The following CSNK1G1 variants were observed in gnomAD, a reference collection of about 807,000 sequenced individuals.
The protein encoded by CSNK1G1 is casein kinase 1 gamma 1, also known as casein kinase I isoform gamma-1.
A neutral mutation model predicts 59.6 loss-of-function variants in CSNK1G1; 22 were observed. The ratio of observed to expected loss-of-function variants is 0.37; its 90% CI spans 0.26 to 0.53. CSNK1G1 has a LOEUF of 0.53. CSNK1G1 is among the 20% of genes least tolerant of loss of function. The pLI, the probability that CSNK1G1 is intolerant of heterozygous loss-of-function variation, is 0.89. For synonymous variants in CSNK1G1, 179 were observed against 177.1 expected, an observed-to-expected ratio of 1.01 and a Z score of -0.08; for missense variants, 384 against 519.5, an observed-to-expected ratio of 0.74 and a Z score of 2.54.
chr15:64,305,259 A>G (rs965333051), intron 1 of CSNK1G1, among the ~76,000 whole-genome samples: 2 of 152,170 alleles, frequency 1.3e-5, no homozygotes, highest in African/African-American at 2.4e-5. Context: ...CATACCCAGA[A>G]TAAGTATTTA....
intron 11 of CSNK1G1, among the ~76,000 whole-genome samples, chr15:64,178,215 A>G (rs1366051715): frequency 3.9e-5 from 6 of 152,162 alleles, no homozygotes; most frequent in Non-Finnish European, 5.9e-5. Flanking sequence ...GTAATTTTGT[A>G]TGGAAATCGA....
chr15:64,334,822 G>A (rs187118396), intron 1 of CSNK1G1, among the ~76,000 whole-genome samples: 33 of 152,288 alleles, frequency 2.2e-4, no homozygotes, highest in Admixed American at 3.3e-4. Context: ...TATGCAGCAC[G>A]GTTCCTAAAG....
chr15:64,345,484 C>G (rs1056350753), intron 1 of CSNK1G1, among the ~76,000 whole-genome samples: 1 of 152,238 alleles, frequency 6.6e-6, no homozygotes, highest in African/African-American at 2.4e-5. Flanking sequence ...TCCTTAGTGA[C>G]AGTTGAAAAA....
At position 64,310,553 on chromosome 15, in the gene CSNK1G1, A is replaced by C. The variant is rs1421961598; in HGVS notation, c.-224-9830T>G. On this transcript the variant is annotated intron_variant, in intron 1 of 11. Coordinates refer to ENST00000303052, the MANE Select transcript of CSNK1G1 (RefSeq NM_022048.5). ...TGATGTGGTGAGACTGTGTCTCTAT[A>C]AAAAAAAAAAAAAATTAGCTGGGCA... Among the ~76,000 whole-genome samples, 3 of 558 alleles carry C rather than the reference A, an allele frequency of 5.4e-3. No homozygotes were observed. In the Non-Finnish European group the frequency reaches 0.38, roughly 70 times the overall value. The allele number at this position is 558 out of a possible 152,430, so 0.4% of individuals were successfully genotyped here.
chr15:64,195,588 T>C (rs1335725564), intron 10 of CSNK1G1, among the ~76,000 whole-genome samples: 1 of 152,210 alleles, frequency 6.6e-6, no homozygotes, highest in African/African-American at 2.4e-5. Context: ...GTACAATATG[T>C]TGTACTCTAA....
chr15:64,259,091 C>T, intron 3 of CSNK1G1, 110 bp downstream of exon 3: 8 of 857,706 alleles, frequency 9.3e-6, no homozygotes, highest in Non-Finnish European at 1.4e-5. Context: ...ACAAAAAAAA[C>T]CCCAAACCAT....
intron 2 of CSNK1G1, among the ~76,000 whole-genome samples, chr15:64,282,400 G>C (rs1237520529): frequency 6.6e-6 from 1 of 152,086 alleles, no homozygotes; most frequent in African/African-American, 2.4e-5. Flanking sequence ...AAGTAGCTGG[G>C]ATTACAGGCA....
intron 4 of CSNK1G1, among the ~76,000 whole-genome samples, chr15:64,230,934 A>C (rs1276860344): frequency 6.6e-6 from 1 of 152,150 alleles, no homozygotes; most frequent in East Asian, 1.9e-4. Flanking sequence ...AGATTGTGCC[A>C]CTGCACTCCA....
At chr15:64,354,074 G>C (rs1898493283) in intron 1 of CSNK1G1, among the ~76,000 whole-genome samples, 1 of 152,160 alleles carries the variant, frequency 6.6e-6, no homozygotes, top group South Asian at 2.1e-4. Flanking sequence ...GGGAGACCAA[G>C]GCGGATGGAT....
At chr15:64,244,388 T>C (rs903219390) in intron 4 of CSNK1G1, among the ~76,000 whole-genome samples, 1 of 122,974 alleles carries the variant, frequency 8.1e-6, no homozygotes, top group East Asian at 2.3e-4. Context: ...AAAAAAAGAG[T>C]GTGGGCCGGG....
At chr15:64,323,245 G>A (rs1896659904) in intron 1 of CSNK1G1, among the ~76,000 whole-genome samples, 1 of 151,978 alleles carries the variant, frequency 6.6e-6, no homozygotes, top group Admixed American at 6.6e-5. Context: ...CTTTTGTGTG[G>A]TATTTACTGG....
chr15:64,222,665 T>C (rs2082406402), intron 4 of CSNK1G1, among the ~76,000 whole-genome samples: 1 of 151,216 alleles, frequency 6.6e-6, no homozygotes, highest in Non-Finnish European at 1.5e-5. Context: ...AGAAATATCT[T>C]TAAAACTTAA....
intron 4 of CSNK1G1, among the ~76,000 whole-genome samples, chr15:64,234,261 G>T (rs1239367642): frequency 6.6e-6 from 1 of 151,804 alleles, no homozygotes; most frequent in Admixed American, 6.6e-5. Context: ...TTAACATGAG[G>T]CTGTTAAAAT....
rs554230558 is a variant in CSNK1G1 at position 64,183,001 on chromosome 15, T to C, written c.1108-2547A>G. On this transcript the variant is annotated intron_variant, in intron 10 of 11. Coordinates refer to ENST00000303052, the MANE Select transcript of CSNK1G1 (RefSeq NM_022048.5). ...TCTGGCTGCATACCAGTGATAATAC[T>C]GGTAAACTCATTCTGTGAGCACAAA... Among the ~76,000 whole-genome samples, 3 of 152,344 alleles carry C rather than the reference T, an allele frequency of 2.0e-5. No homozygotes were observed. The South Asian group carries it at 6.2e-4, about 32-fold the overall frequency.
rs1350405169 is a variant in CSNK1G1, at chr15:64,266,120, C to T, written c.182-6879G>A. ...GCTCTGTTGCCAGGCTGCAGTGCAG[C>T]GACACGATCTCGGCTCAATGCAAAC... On this transcript the variant is annotated intron_variant, in intron 2 of 11. Transcript: ENST00000303052. Among the ~76,000 whole-genome samples the T allele has an allele frequency of 4.6e-5, 7 of 151,918 alleles. No homozygotes were observed. The South Asian group carries it at 6.3e-4, about 14-fold the overall frequency.
chr15:64,279,913 G>A (rs1894027819), intron 2 of CSNK1G1, among the ~76,000 whole-genome samples: 1 of 151,254 alleles, frequency 6.6e-6, no homozygotes, highest in Admixed American at 6.6e-5. Flanking sequence ...CGGAGGTTGT[G>A]GTATGCCGAG....
intron 2 of CSNK1G1, among the ~76,000 whole-genome samples, chr15:64,299,927 A>G (rs998169290): frequency 6.6e-6 from 1 of 152,168 alleles, no homozygotes; most frequent in Non-Finnish European, 1.5e-5. Context: ...CAGAGTCTGA[A>G]TTAAACCAAG....
At chr15:64,322,440 C>T (rs1244127575) in intron 1 of CSNK1G1, among the ~76,000 whole-genome samples, 4 of 151,870 alleles carry the variant, frequency 2.6e-5, no homozygotes, top group Non-Finnish European at 5.9e-5. Context: ...TGGGCTCAAG[C>T]AATCCTCCCG....
chr15:64,284,612 A>AAT (rs1163726624), intron 2 of CSNK1G1, among the ~76,000 whole-genome samples: 7 of 151,926 alleles, frequency 4.6e-5, no homozygotes, highest in African/African-American at 1.7e-4. Flanking sequence ...TTTTGATTTA[A>AAT]ATATATATAC....
Sources: allele counts gnomAD v4.1 joint callset (sites outside exome capture counted in the v4.1 genomes callset), GRCh38; gene constraint gnomAD v4.1.1; transcripts MANE v1.5; gene names NCBI Gene and HGNC (gene_info 2026-07-23, HGNC 2026-07-21).